SYN3: variants seen among roughly 807,000 people sequenced by gnomAD.
SYN3 encodes synapsin-3.
In SYN3, 35 loss-of-function variants were observed where a neutral mutation model predicts 65.8. The ratio of observed to expected loss-of-function variants is 0.53; its 90% CI spans 0.41 to 0.70. The LOEUF (loss-of-function observed/expected upper bound fraction) is 0.70, where lower values mean the gene tolerates loss of function less well. Among genes scored for constraint, SYN3 ranks in the 30% least tolerant of loss-of-function variants. The probability of loss-of-function intolerance (pLI) is 0.00; values close to 1 mark genes in which losing one functional copy is unlikely to be tolerated. For synonymous variants in SYN3, 270 were observed against 292.9 expected (o/e 0.92, Z 0.80); for missense variants, 680 against 749.0 (o/e 0.91, Z 1.08).
chr22:32,725,862 T>C (rs997834849), intron 6 of SYN3, among the ~76,000 whole-genome samples: 2 of 152,260 alleles, frequency 1.3e-5, no homozygotes, highest in African/African-American at 4.8e-5. Flanking sequence ...CAATATTTAG[T>C]CTGACGTTGG....
intron 2 of SYN3, among the ~76,000 whole-genome samples, chr22:32,985,852 T>A (rs2052510078): frequency 6.6e-6 from 1 of 151,964 alleles, no homozygotes; most frequent in African/African-American, 2.4e-5. Flanking sequence ...CTTGATTGTC[T>A]CTTTCTCATG....
chr22:32,698,846 T>C (rs924269941), intron 6 of SYN3, among the ~76,000 whole-genome samples: 4 of 152,216 alleles, frequency 2.6e-5, no homozygotes, highest in African/African-American at 9.7e-5. Flanking sequence ...TTGAAGAAGA[T>C]ATGGGACATT....
intron 12 of SYN3, among the ~76,000 whole-genome samples, chr22:32,525,842 A>G (rs952612100): frequency 8.5e-5 from 13 of 152,216 alleles, no homozygotes; most frequent in Non-Finnish European, 1.9e-4. Context: ...AAGTTCTACT[A>G]TGGGTAAAAT....
intron 1 of SYN3, among the ~76,000 whole-genome samples, chr22:33,017,170 C>T (rs1466040079): frequency 6.6e-6 from 1 of 152,196 alleles, no homozygotes. Flanking sequence ...ACTGTCTTGT[C>T]TCCATTGTGT....
At chr22:32,731,772 A>G (rs949741298) in intron 6 of SYN3, among the ~76,000 whole-genome samples, 1 of 152,204 alleles carries the variant, frequency 6.6e-6, no homozygotes, top group African/African-American at 2.4e-5. Flanking sequence ...TTCTAAATAT[A>G]TCACCAAGAG....
chr22:32,570,337 G>T (rs2058742272), intron 7 of SYN3, among the ~76,000 whole-genome samples: 1 of 152,186 alleles, frequency 6.6e-6, no homozygotes, highest in Admixed American at 6.5e-5. Flanking sequence ...GAAATTAAAG[G>T]CCATTGTAAA....
At chr22:32,625,229 G>A (rs2059649260) in intron 6 of SYN3, among the ~76,000 whole-genome samples, 1 of 152,220 alleles carries the variant, frequency 6.6e-6, no homozygotes, top group African/African-American at 2.4e-5. Context: ...GGACCACCCA[G>A]TGTTGTTGAT....
At chr22:32,905,835 C>A (rs1415504200) in intron 4 of SYN3, among the ~76,000 whole-genome samples, 1 of 152,218 alleles carries the variant, frequency 6.6e-6, no homozygotes, top group Non-Finnish European at 1.5e-5. Context: ...ACTGGCACCC[C>A]CTCTAAGGGT....
intron 6 of SYN3, among the ~76,000 whole-genome samples, chr22:32,795,544 A>G (rs2046410426): frequency 6.6e-6 from 1 of 152,232 alleles, no homozygotes; most frequent in Non-Finnish European, 1.5e-5. Flanking sequence ...GATAGAAGAC[A>G]GGCAATCAGA....
chr22:32,790,055 G>A (rs2145874212), intron 6 of SYN3, among the ~76,000 whole-genome samples: 1 of 152,344 alleles, frequency 6.6e-6, no homozygotes, highest in Admixed American at 6.5e-5. Context: ...AGAATACGGA[G>A]GCACAAGAAT....
chr22:32,616,548 G>T (rs1359454889), intron 6 of SYN3, among the ~76,000 whole-genome samples: 1 of 152,086 alleles, frequency 6.6e-6, no homozygotes, highest in African/African-American at 2.4e-5. Context: ...AGCATCCCTA[G>T]TTCACAAACA....
intron 12 of SYN3, among the ~76,000 whole-genome samples, chr22:32,526,696 T>C (rs922825397): frequency 6.6e-6 from 1 of 152,022 alleles, no homozygotes; most frequent in African/African-American, 2.4e-5. Flanking sequence ...TTTTTTTGTA[T>C]TTTTAGTACT....
rs1307919667 is a variant in SYN3 at position 32,837,329 on chromosome 22, G to T, written c.711+27586C>A. Among the ~76,000 whole-genome samples the T allele has an allele frequency of 6.6e-6, 1 of 152,152 alleles. No homozygotes were observed. The highest frequency in any genetic ancestry group is 1.5e-5 in the Non-Finnish European group (1 of 68,026). On this transcript the variant is annotated intron_variant, in intron 6 of 13. Coordinates refer to ENST00000358763, the MANE Select transcript of SYN3 (RefSeq NM_003490.4). This position sits in a 1 kb window ranked among gnomAD's most constrained non-coding sequence, Gnocchi z 4.1. ...GGAGCACTCTCAGGGGATAGGGGGTGGTCTCAGCCCCCCTCACCGAGTGCA... is the reference window on the plus strand; with the variant it reads ...GGAGCACTCTCAGGGGATAGGGGGTTGTCTCAGCCCCCCTCACCGAGTGCA...
intron 6 of SYN3, among the ~76,000 whole-genome samples, chr22:32,640,154 G>GAGGCCTC (rs1014150522): frequency 6.6e-6 from 1 of 152,116 alleles, no homozygotes. Flanking sequence ...AGTCTCCACT[G>GAGGCCTC]AGGCCTCACC....
chr22:32,641,699 G>A (rs1345582568), intron 6 of SYN3, among the ~76,000 whole-genome samples: 1 of 151,540 alleles, frequency 6.6e-6, no homozygotes, highest in Non-Finnish European at 1.5e-5. Flanking sequence ...GATGTTTCTC[G>A]CTGGGGAGAG....
At chr22:32,901,284 C>T (rs978971183) in intron 4 of SYN3, among the ~76,000 whole-genome samples, 1 of 152,202 alleles carries the variant, frequency 6.6e-6, no homozygotes, top group African/African-American at 2.4e-5. Context: ...CTTAATTGTG[C>T]TTCTTAGAGG....
intron 6 of SYN3, among the ~76,000 whole-genome samples, chr22:32,650,275 CTT>C (rs1265370021): frequency 1.5e-3 from 168 of 113,660 alleles, no homozygotes; most frequent in African/African-American, 5.9e-3. Context: ...CTCTCTCTCT[CTT>C]TCTTTTTGAG....
At chr22:32,786,655 C>A (rs1031093108) in intron 6 of SYN3, among the ~76,000 whole-genome samples, 1 of 152,210 alleles carries the variant, frequency 6.6e-6, no homozygotes, top group Non-Finnish European at 1.5e-5. Context: ...AGCCACCACG[C>A]CCGGCCCTGC....
Position 32,834,931 on chromosome 22 carries a change from A to T in SYN3, c.711+29984T>A, listed in dbSNP as rs57620882. ...AGGGAACTGGACATTCCCTTCAGTCAGAATGAACTAGTGGCCTCCCCTTCT... is the reference window on the plus strand; with the variant it reads ...AGGGAACTGGACATTCCCTTCAGTCTGAATGAACTAGTGGCCTCCCCTTCT... On this transcript the variant is annotated intron_variant, in intron 6 of 13. Coordinates refer to ENST00000358763, the MANE Select transcript of SYN3 (RefSeq NM_003490.4). Among the ~76,000 whole-genome samples, 1,435 of 152,294 alleles carry T rather than the reference A, an allele frequency of 9.4e-3. 22 individuals carry two copies. Among genetic ancestry groups the T allele is most frequent in the African/African-American group, 0.033 (1,382 of 41,558 alleles).
Sources: gnomAD v4.1 joint callset for allele counts (sites outside exome capture counted in the v4.1 genomes callset) on GRCh38, gnomAD v4.1.1 for gene constraint, Gnocchi (gnomAD v3.1) non-coding constraint, MANE v1.5 for transcripts, NCBI Gene and HGNC (gene_info 2026-07-23, HGNC 2026-07-21) for gene names.